Variants in KCNIP4 observed in about 807,000 individuals in gnomAD.
KCNIP4 encodes Kv channel-interacting protein 4.
In KCNIP4, 12 loss-of-function variants were observed where a neutral mutation model predicts 34.0. The ratio of observed to expected loss-of-function variants is 0.35; its 90% CI spans 0.23 to 0.57. The LOEUF (loss-of-function observed/expected upper bound fraction) is 0.57. Among genes scored for constraint, KCNIP4 ranks in the 20% least tolerant of loss-of-function variants. The pLI, the probability that KCNIP4 is intolerant of heterozygous loss-of-function variation, is 0.83. For synonymous variants in KCNIP4, 124 were observed against 102.2 expected, an observed-to-expected ratio of 1.21 and a Z score of -1.29; for missense variants, 238 against 311.7, an observed-to-expected ratio of 0.76 and a Z score of 1.78.
intron 1 of KCNIP4, among the ~76,000 whole-genome samples, chr4:21,794,275 A>T (rs1177120139): frequency 2.0e-5 from 3 of 151,756 alleles, no homozygotes; most frequent in African/African-American, 2.4e-5. Flanking sequence ...AGTATAATTT[A>T]AAAAAAAAGA....
At chr4:20,960,643 G>A (rs568479433) in intron 1 of KCNIP4, among the ~76,000 whole-genome samples, 2 of 152,290 alleles carry the variant, frequency 1.3e-5, no homozygotes, top group East Asian at 1.9e-4. Context: ...TTTAGCAGGG[G>A]CGAATATCCA....
Position 21,013,016 on chromosome 4 carries a change from G to C in KCNIP4, c.62-130307C>G, listed in dbSNP as rs73245216. ...TATGGCCAAAGGCAATGAGCACAGA[G>C]GAAACTTCTCACTGCGAAGCTGAGA... On this transcript the variant is annotated intron_variant, in intron 1 of 8. Coordinates refer to ENST00000382152, the MANE Select transcript of KCNIP4 (RefSeq NM_025221.6). Among the ~76,000 whole-genome samples the C allele has an allele frequency of 3.7e-3, 569 of 152,242 alleles. 2 individuals are homozygous for C. The highest frequency in any genetic ancestry group is 0.017 in the Middle Eastern group (5 of 294).
At chr4:21,245,683 A>C (rs1760144946) in intron 1 of KCNIP4, among the ~76,000 whole-genome samples, 1 of 152,186 alleles carries the variant, frequency 6.6e-6, no homozygotes, top group African/African-American at 2.4e-5. Flanking sequence ...GGAATTCAGG[A>C]GAAGTGTCTG....
chr4:20,835,637 A>T (rs1718949210), intron 3 of KCNIP4, among the ~76,000 whole-genome samples: 1 of 152,054 alleles, frequency 6.6e-6, no homozygotes, highest in African/African-American at 2.4e-5. Flanking sequence ...GTGACCCTTA[A>T]ATATGTATTT....
chr4:21,681,819 C>T (rs888748417), intron 1 of KCNIP4, among the ~76,000 whole-genome samples: 3 of 152,016 alleles, frequency 2.0e-5, no homozygotes, highest in Non-Finnish European at 2.9e-5. Flanking sequence ...AGGGAGCAGA[C>T]ACATGACAGA....
At chr4:20,749,835 G>A in intron 4 of KCNIP4, 103 bp from the exon 5 acceptor site, 2 of 656,968 alleles carry the variant, frequency 3.0e-6, no homozygotes. Flanking sequence ...AATTAACTCT[G>A]CCTCCTTTAG....
chr4:21,543,861 T>C lies in KCNIP4; in HGVS notation c.61+404710A>G, dbSNP rs1274846345. On this transcript the variant is annotated intron_variant, in intron 1 of 8. Coordinates refer to ENST00000382152, the MANE Select transcript of KCNIP4 (RefSeq NM_025221.6). Reference sequence around the variant, plus strand: ...CCATCTTTCTTCTCTCACACATACTTCATGACTACCGCATTGTCTACGATG... The same window carrying C: ...CCATCTTTCTTCTCTCACACATACTCCATGACTACCGCATTGTCTACGATG... 2.0e-5 allele frequency among the ~76,000 whole-genome samples: 3 copies of C among 152,126 alleles called. No homozygotes were observed. In the East Asian group the frequency reaches 5.8e-4, roughly 29 times the overall value.
At chr4:21,855,262 T>C (rs762125171) in intron 1 of KCNIP4, among the ~76,000 whole-genome samples, 4 of 152,220 alleles carry the variant, frequency 2.6e-5, no homozygotes, top group Admixed American at 1.3e-4. Context: ...TTTTAGTTTA[T>C]GACTTTGTCT....
intron 1 of KCNIP4, among the ~76,000 whole-genome samples, chr4:21,535,727 TTA>T (rs1349656388): frequency 6.6e-6 from 1 of 152,176 alleles, no homozygotes; most frequent in East Asian, 1.9e-4. Flanking sequence ...GCTCCATAGT[TTA>T]TGTTATTCCT....
chr4:21,349,693 T>A (rs1717819341), intron 1 of KCNIP4, among the ~76,000 whole-genome samples: 1 of 152,074 alleles, frequency 6.6e-6, no homozygotes, highest in Non-Finnish European at 1.5e-5. Context: ...GCCCTGGGTG[T>A]TTCTGGGTTC....
At chr4:21,665,786 G>A (rs1225369203) in intron 1 of KCNIP4, among the ~76,000 whole-genome samples, 1 of 152,170 alleles carries the variant, frequency 6.6e-6, no homozygotes, top group Admixed American at 6.5e-5. Flanking sequence ...GCTGGATACA[G>A]AATTCTCTCT....
At position 21,892,147 on chromosome 4, in the gene KCNIP4, C is replaced by T. The variant is rs369474622; in HGVS notation, c.61+56424G>A. Among the ~76,000 whole-genome samples the T allele has an allele frequency of 1.4e-4, 22 of 152,024 alleles. No individual in the cohort carries two copies. In the East Asian group the frequency reaches 1.9e-3, roughly 13 times the overall value. On this transcript the variant is annotated intron_variant, in intron 1 of 8. Transcript: ENST00000382152. ...AAAAAACTGAAACTGCCAAATTTTC[C>T]ACCAATACTAGAATAAATAAAATAA... is the stretch of plus-strand genomic sequence containing the variant.
intron 1 of KCNIP4, among the ~76,000 whole-genome samples, chr4:21,149,127 A>G (rs1440807435): frequency 6.6e-6 from 1 of 152,212 alleles, no homozygotes; most frequent in Non-Finnish European, 1.5e-5. Context: ...TAAGAAGATT[A>G]TATGAAGAGA....
At chr4:21,602,780 A>C (rs551192213) in intron 1 of KCNIP4, among the ~76,000 whole-genome samples, 1 of 152,306 alleles carries the variant, frequency 6.6e-6, no homozygotes, top group African/African-American at 2.4e-5. Context: ...TTCAGAATAA[A>C]GAAGGAAGAG....
chr4:20,920,634 A>C (rs1432270618), intron 1 of KCNIP4, among the ~76,000 whole-genome samples: 1 of 152,198 alleles, frequency 6.6e-6, no homozygotes, highest in Non-Finnish European at 1.5e-5. Flanking sequence ...TGGAGAAGCC[A>C]AGTGATCCCT....
chr4:21,152,193 C>CAG (rs1752807428), intron 1 of KCNIP4, among the ~76,000 whole-genome samples: 1 of 152,092 alleles, frequency 6.6e-6, no homozygotes, highest in African/African-American at 2.4e-5. Context: ...GCAGAGGTTG[C>CAG]AGTGAGCCCA....
At chr4:21,528,320 C>G (rs1016513835) in intron 1 of KCNIP4, among the ~76,000 whole-genome samples, 10 of 151,960 alleles carry the variant, frequency 6.6e-5, no homozygotes, top group Admixed American at 5.9e-4. Flanking sequence ...AATGCTTGAC[C>G]AGCGACAGTT....
chr4:21,208,480 T>A (rs896274746), intron 1 of KCNIP4, among the ~76,000 whole-genome samples: 9 of 152,166 alleles, frequency 5.9e-5, no homozygotes, highest in African/African-American at 2.2e-4. Flanking sequence ...TGGTATCAAA[T>A]CACATTTCCT....
At chr4:21,124,871 A>C (rs1051705083) in intron 1 of KCNIP4, among the ~76,000 whole-genome samples, 1 of 152,080 alleles carries the variant, frequency 6.6e-6, no homozygotes, top group African/African-American at 2.4e-5. Context: ...TCTCAACTCC[A>C]TTCAGCTACA....
Sources: gnomAD v4.1 joint callset for allele counts (sites outside exome capture counted in the v4.1 genomes callset) on GRCh38, gnomAD v4.1.1 for gene constraint, MANE v1.5 for transcripts, NCBI Gene and HGNC (gene_info 2026-07-23, HGNC 2026-07-21) for gene names.